DAPP1: variants seen among roughly 807,000 people sequenced by gnomAD.
DAPP1 encodes the protein dual adaptor of phosphotyrosine and 3-phosphoinositides 1.
Under a neutral mutation model 41.5 loss-of-function variants are expected in DAPP1, and 20 were observed. The ratio of observed to expected loss-of-function variants is 0.48; its 90% CI spans 0.34 to 0.70. The LOEUF (loss-of-function observed/expected upper bound fraction) is 0.70. Among genes scored for constraint, DAPP1 ranks in the 30% least tolerant of loss-of-function variants. DAPP1 has a pLI of 0.01. For missense variants in DAPP1, 233 were observed against 333.4 expected, an observed-to-expected ratio of 0.70 and a Z score of 2.35; for synonymous variants, 113 against 116.2, an observed-to-expected ratio of 0.97 and a Z score of 0.18.
downstream of DAPP1, among the ~76,000 whole-genome samples, chr4:99,871,924 C>T (rs1724635534): frequency 6.6e-6 from 1 of 152,186 alleles, no homozygotes. Context: ...AAAGATGGCA[C>T]CCTTGGCCTT....
chr4:99,865,297 A>G (rs1724385402), intron 7 of DAPP1: 2 of 152,234 alleles, frequency 1.3e-5, no homozygotes, highest in South Asian at 4.1e-4. Flanking sequence ...AAGTATGTTC[A>G]GTATGTAATT....
intron 6 of DAPP1, 98 bp downstream of exon 6, chr4:99,863,170 C>T: frequency 1.5e-6 from 1 of 662,662 alleles, no homozygotes; most frequent in Non-Finnish European, 2.5e-6. Flanking sequence ...TTATATCCAC[C>T]TGAAATACCT....
chr4:99,851,972 A>G (rs1348889282), intron 3 of DAPP1, among the ~76,000 whole-genome samples: 1 of 151,940 alleles, frequency 6.6e-6, no homozygotes, highest in Non-Finnish European at 1.5e-5. Context: ...GATCTTTCAA[A>G]TCTTTTCAAA....
chr4:99,835,884 G>T (rs1723282975), intron 2 of DAPP1, 139 bp downstream of exon 2: 3 of 1,135,976 alleles, frequency 2.6e-6, no homozygotes, highest in Non-Finnish European at 3.7e-6. Context: ...AACTCTAAAT[G>T]ATGAGGGTGT....
intron 4 of DAPP1, among the ~76,000 whole-genome samples, chr4:99,857,919 T>C (rs1724104225): frequency 6.6e-6 from 1 of 152,224 alleles, no homozygotes; most frequent in Non-Finnish European, 1.5e-5. Flanking sequence ...ACATGCTTTT[T>C]TATTTGAAAT....
chr4:99,857,873 T>G (rs1006149168), intron 4 of DAPP1, among the ~76,000 whole-genome samples: 1 of 152,222 alleles, frequency 6.6e-6, no homozygotes, highest in Admixed American at 6.5e-5. Flanking sequence ...TATTTGAGTA[T>G]ATCAATTTAT....
chr4:99,827,488 G>A (rs1270154541), intron 1 of DAPP1, among the ~76,000 whole-genome samples: 3 of 150,556 alleles, frequency 2.0e-5, no homozygotes, highest in African/African-American at 4.9e-5. Flanking sequence ...AGCCGAGATC[G>A]AGCCACTGCA....
At chr4:99,824,199 T>C (rs771028724) in intron 1 of DAPP1, among the ~76,000 whole-genome samples, 13 of 152,218 alleles carry the variant, frequency 8.5e-5, no homozygotes, top group Non-Finnish European at 1.6e-4. Context: ...AAACTCCTTT[T>C]AATGGTGAAC....
chr4:99,848,065 C>A (rs1723728394), intron 3 of DAPP1, among the ~76,000 whole-genome samples: 1 of 151,958 alleles, frequency 6.6e-6, no homozygotes, highest in South Asian at 2.1e-4. Context: ...GCCCCCTCGG[C>A]CTCCAAAAGT....
downstream of DAPP1, among the ~76,000 whole-genome samples, chr4:99,870,988 A>G (rs952289661): frequency 3.3e-5 from 5 of 152,182 alleles, no homozygotes; most frequent in African/African-American, 1.2e-4. Context: ...ATCATAAGTC[A>G]AGGAACATCT....
chr4:99,848,905 C>G (rs190734864), intron 3 of DAPP1, among the ~76,000 whole-genome samples: 1 of 152,208 alleles, frequency 6.6e-6, no homozygotes, highest in East Asian at 1.9e-4. Context: ...TTATAGGGAA[C>G]CTATCTCTGT....
chr4:99,847,378 A>G (rs1345090435), intron 3 of DAPP1, among the ~76,000 whole-genome samples: 2 of 151,836 alleles, frequency 1.3e-5, no homozygotes, highest in East Asian at 1.9e-4. Flanking sequence ...ATGCAATTTC[A>G]TATTATTGCA....
chr4:99,829,209 G>C (rs1171558212), intron 1 of DAPP1, among the ~76,000 whole-genome samples: 1 of 152,156 alleles, frequency 6.6e-6, no homozygotes, highest in Non-Finnish European at 1.5e-5. Context: ...GCCAGGCGCA[G>C]TGACTCATGC....
chr4:99,835,479 G>A (rs572526518), intron 1 of DAPP1, 144 bp from the exon 2 acceptor site: 168 of 1,175,346 alleles, frequency 1.4e-4, no homozygotes, highest in Non-Finnish European at 1.9e-4. Context: ...GGATTTCCTT[G>A]TCCTAATGTT....
intron 4 of DAPP1, among the ~76,000 whole-genome samples, chr4:99,858,537 T>G (rs1724126087): frequency 6.6e-6 from 1 of 152,194 alleles, no homozygotes; most frequent in Non-Finnish European, 1.5e-5. Flanking sequence ...CATATTCCCT[T>G]TGTTATTAAA....
rs1317079498 is a variant in DAPP1, at chr4:99,853,197, A to G, written c.359-21A>G. ...CCTTCTGGGAACACTGTTCGATTAT[A>G]TATTTTTCATCTTCATTCAGGCACT... is the stretch of plus-strand genomic sequence containing the variant. On this transcript the variant is annotated intron_variant, in intron 3 of 8. Coordinates refer to ENST00000512369, the MANE Select transcript of DAPP1 (RefSeq NM_014395.3). 4 of 1,613,582 alleles carry G rather than the reference A, an allele frequency of 2.5e-6. No individual in the cohort carries two copies. In the South Asian group the frequency reaches 4.4e-5, roughly 18 times the overall value.
chr4:99,834,526 A>G (rs991556158), intron 1 of DAPP1, among the ~76,000 whole-genome samples: 8 of 152,178 alleles, frequency 5.3e-5, no homozygotes, highest in Non-Finnish European at 1.0e-4. Flanking sequence ...ACTTCATACT[A>G]TAATTCCTTC....
chr4:99,862,802 T>C (rs956654452), intron 5 of DAPP1, among the ~76,000 whole-genome samples: 29 of 152,282 alleles, frequency 1.9e-4, no homozygotes, highest in Admixed American at 1.6e-3. Context: ...AAGAATTTTT[T>C]GAGCTTAATG....
chr4:99,868,253 C>A lies in DAPP1; in HGVS notation c.*68C>A. ...AATGTTTCCCTGACGCTGTGATCTG[C>A]AGCAGGCTTCAAATGAAAACCGACT... On this transcript the variant is annotated 3_prime_UTR_variant, in exon 9 of 9. Coordinates refer to ENST00000512369, the MANE Select transcript of DAPP1 (RefSeq NM_014395.3). 4 of 1,357,474 alleles carry A rather than the reference C, an allele frequency of 2.9e-6. No homozygotes were observed. The highest frequency in any genetic ancestry group is 4.2e-6 in the Non-Finnish European group (4 of 951,620). 84.1% of individuals were successfully genotyped at this position (1,357,474 alleles called of 1,614,324 possible). A position where few individuals can be genotyped will look rare whatever the true frequency, so the allele number is the denominator to read the frequency against.
Sources: allele counts gnomAD v4.1 joint callset (sites outside exome capture counted in the v4.1 genomes callset), GRCh38; gene constraint gnomAD v4.1.1; transcripts MANE v1.5; gene names NCBI Gene and HGNC (gene_info 2026-07-23, HGNC 2026-07-21).